The following MYH15 variants were observed in gnomAD, a reference collection of about 807,000 sequenced individuals.
MYH15 encodes the protein myosin heavy chain 15, also known as myosin-15.
MYH15 carries 227 observed loss-of-function variants against 240.5 expected under a neutral mutation model. That is an observed-to-expected ratio of 0.94 (90% CI 0.85 to 1.05). MYH15 has a LOEUF of 1.05. Ranked by LOEUF, MYH15 falls within the 50% of genes least tolerant of loss-of-function variation. The pLI, the probability that MYH15 is intolerant of heterozygous loss-of-function variation, is 0.00. For synonymous variants in MYH15, 785 were observed against 796.7 expected, an observed-to-expected ratio of 0.99 and a Z score of 0.25; for missense variants, 2,217 against 2,247.5, an observed-to-expected ratio of 0.99 and a Z score of 0.27.
At chr3:108,486,907 A>G (rs1178388832) in intron 9 of MYH15, among the ~76,000 whole-genome samples, 2 of 152,238 alleles carry the variant, frequency 1.3e-5, no homozygotes, top group African/African-American at 4.8e-5. Context: ...TGGAGGATAA[A>G]AGTATTTTGT....
chr3:108,388,988 G>A lies in MYH15; in HGVS notation c.5517C>T (p.Ile1839=), dbSNP rs778955548. The A allele has an allele frequency of 9.9e-6, 16 of 1,613,448 alleles. No homozygotes were observed. Among genetic ancestry groups the A allele is most frequent in the African/African-American group, 6.7e-5 (5 of 74,874 alleles). The change falls in exon 38 of 41, where the codon ATC becomes ATT. Residue 1839 remains isoleucine (I), a synonymous_variant. Coordinates refer to ENST00000693548, the MANE Select transcript of MYH15 (RefSeq NM_014981.3). ...GGAGTACCTGATAGGTCAGCTCTTT[G>A]ATGCATCGCTCAAGTCTGCGGGCTC... The part of the protein sequence containing the change: ...QRGARRLERC[I]KELTYQAEED...
At chr3:108,383,750 A>AG (rs772062112) in intron 39 of MYH15, 21 bp from the exon 40 acceptor site, 3 of 1,536,454 alleles carry the variant, frequency 2.0e-6, no homozygotes, top group East Asian at 4.5e-5. Flanking sequence ...AAAAAAAAAA[A>AG]AAAAGAAATC....
At chr3:108,445,320 A>G (rs1205434282) in intron 21 of MYH15, among the ~76,000 whole-genome samples, 1 of 152,180 alleles carries the variant, frequency 6.6e-6, no homozygotes, top group African/African-American at 2.4e-5. Flanking sequence ...AAAGAATCTT[A>G]CCCTTAATAA....
rs1015941542 is a variant in MYH15, at chr3:108,434,234, G to A, written c.3222-3312C>T. ...TTTCACTCTTGTTGCCCAGGCTGGA[G>A]TGCAATGGTGTGATCTCAGCTCAGC... On this transcript the variant is annotated intron_variant, in intron 25 of 40. Transcript: ENST00000693548. 7.8e-4 allele frequency among the ~76,000 whole-genome samples: 114 copies of A among 145,274 alleles called. 1 individual carries two copies. The highest frequency in any genetic ancestry group is 3.9e-3 in the Middle Eastern group (1 of 258).
rs745586440 is a variant in MYH15 at position 108,500,279 on chromosome 3, G to A, written c.340-5C>T. On this transcript the variant is annotated splice_region_variant and splice_polypyrimidine_tract_variant and intron_variant, in intron 3 of 40. Transcript: ENST00000693548. ...ACAGAAGAGACCTGAATATGTCTGAGGGAAAATCAGAAAAGATTTCAGAAA... is the reference window on the plus strand; with the variant it reads ...ACAGAAGAGACCTGAATATGTCTGAAGGAAAATCAGAAAAGATTTCAGAAA... The A allele has an allele frequency of 4.7e-5, 75 of 1,595,832 alleles. No individual in the cohort carries two copies. The highest frequency in any genetic ancestry group is 1.4e-4 in the Admixed American group (8 of 55,464).
the MYH15 span, among the ~76,000 whole-genome samples, chr3:108,549,356 T>C: frequency 6.6e-6 from 1 of 151,150 alleles, no homozygotes; most frequent in African/African-American, 2.4e-5. Flanking sequence ...ACAGAAACAA[T>C]ATGAAAGGTG....
rs138733417 is a variant in MYH15 at position 108,383,738 on chromosome 3, A to AC, written c.5632-10_5632-9insG. 41,459 of 1,270,220 alleles carry AC rather than the reference A, an allele frequency of 0.033. 412 individuals are homozygous for AC. Among genetic ancestry groups the AC allele is most frequent in the Middle Eastern group, 0.038 (176 of 4,578 alleles). The allele number at this position is 1,270,220 out of a possible 1,614,324, so 78.7% of individuals were successfully genotyped here. A position where few individuals can be genotyped will look rare whatever the true frequency, so the allele number is the denominator to read the frequency against. Reference sequence around the variant, plus strand: ...TGATTGGCTTGTGTTTCCTATAAAAATAAAAAAAAAAAAAAAGAAATCTCC... The same window carrying AC: ...TGATTGGCTTGTGTTTCCTATAAAAACTAAAAAAAAAAAAAAAGAAATCTCC... On this transcript the variant is annotated splice_polypyrimidine_tract_variant and intron_variant, in intron 39 of 40. Coordinates refer to ENST00000693548, the MANE Select transcript of MYH15 (RefSeq NM_014981.3).
At chr3:108,506,331 G>A (rs140510699) in intron 1 of MYH15, among the ~76,000 whole-genome samples, 112 of 152,306 alleles carry the variant, frequency 7.4e-4, no homozygotes, top group African/African-American at 2.6e-3. Context: ...AATTGGCAGG[G>A]GGGCAGGTTG....
At chr3:108,496,280 A>G (rs1183058635) in intron 6 of MYH15, among the ~76,000 whole-genome samples, 2 of 152,240 alleles carry the variant, frequency 1.3e-5, no homozygotes, top group African/African-American at 2.4e-5. Context: ...CTAGGATAAT[A>G]CAACAGACTC....
chr3:108,408,690 T>C (rs2082564887), intron 31 of MYH15, among the ~76,000 whole-genome samples: 1 of 152,246 alleles, frequency 6.6e-6, no homozygotes, highest in African/African-American at 2.4e-5. Context: ...ATGACAGTCC[T>C]GCTCATTAGA....
At chr3:108,383,985 GCT>G (rs1302222557) in intron 39 of MYH15, among the ~76,000 whole-genome samples, 1 of 152,078 alleles carries the variant, frequency 6.6e-6, no homozygotes, top group East Asian at 1.9e-4. Context: ...ATGCAGTAAA[GCT>G]CTCACAGACT....
chr3:108,424,334 G>A (rs1447468343), intron 27 of MYH15, among the ~76,000 whole-genome samples: 1 of 152,194 alleles, frequency 6.6e-6, no homozygotes, highest in African/African-American at 2.4e-5. Flanking sequence ...GTGTTTCCAT[G>A]TATAAAGTAT....
intron 14 of MYH15, among the ~76,000 whole-genome samples, chr3:108,466,042 T>C (rs1256202986): frequency 2.0e-5 from 3 of 152,204 alleles, no homozygotes; most frequent in Admixed American, 6.5e-5. Context: ...CACTTAGTCA[T>C]TGAAACACTG....
At chr3:108,474,362 T>C (rs1038242956) in intron 12 of MYH15, among the ~76,000 whole-genome samples, 1 of 151,922 alleles carries the variant, frequency 6.6e-6, no homozygotes, top group African/African-American at 2.4e-5. Context: ...TAGTAAAGGC[T>C]GGAGTCCTTA....
intron 32 of MYH15, among the ~76,000 whole-genome samples, chr3:108,407,244 T>C (rs1350152982): frequency 1.3e-5 from 2 of 152,326 alleles, no homozygotes; most frequent in East Asian, 1.9e-4. Flanking sequence ...AGACAATGCT[T>C]GGCACAGAGT....
At chr3:108,496,013 T>C (rs1375443323) in intron 6 of MYH15, 141 bp from the exon 7 acceptor site, 12 of 553,390 alleles carry the variant, frequency 2.2e-5, no homozygotes, top group Non-Finnish European at 3.8e-5. Flanking sequence ...TTGGTTATAT[T>C]ATCTTCGAAT....
intron 1 of MYH15, among the ~76,000 whole-genome samples, chr3:108,506,397 C>T (rs748735430): frequency 1.3e-5 from 2 of 152,108 alleles, no homozygotes; most frequent in African/African-American, 4.8e-5. Flanking sequence ...CATATTATTT[C>T]CCCCAATATG....
At chr3:108,495,450 A>T (rs1274837716) in intron 7 of MYH15, among the ~76,000 whole-genome samples, 1 of 152,222 alleles carries the variant, frequency 6.6e-6, no homozygotes. Flanking sequence ...AAAATAATTC[A>T]AATATGTAAA....
intron 25 of MYH15, among the ~76,000 whole-genome samples, chr3:108,434,638 G>A (rs534879273): frequency 3.9e-5 from 6 of 151,944 alleles, no homozygotes; most frequent in African/African-American, 7.3e-5. Context: ...AATATTTCAC[G>A]ATTTAGACAT....
Sources: allele counts gnomAD v4.1 joint callset (sites outside exome capture counted in the v4.1 genomes callset), GRCh38; gene constraint gnomAD v4.1.1; transcripts MANE v1.5; gene names NCBI Gene and HGNC (gene_info 2026-07-23, HGNC 2026-07-21).